UNC5D: variants seen among roughly 807,000 people sequenced by gnomAD.
UNC5D encodes netrin receptor UNC5D.
UNC5D carries 39 observed loss-of-function variants against 105.4 expected under a neutral mutation model. The ratio of observed to expected loss-of-function variants is 0.37; its 90% CI spans 0.29 to 0.48. UNC5D has a LOEUF of 0.48. Among genes scored for constraint, UNC5D ranks in the 20% least tolerant of loss-of-function variants. UNC5D has a pLI of 0.98. For synonymous variants in UNC5D, 452 were observed against 450.4 expected, an observed-to-expected ratio of 1.00 and a Z score of -0.04; for missense variants, 991 against 1,202.4, an observed-to-expected ratio of 0.82 and a Z score of 2.60.
intron 4 of UNC5D, among the ~76,000 whole-genome samples, chr8:35,616,339 T>A (rs1467042161): frequency 6.6e-6 from 1 of 152,208 alleles, no homozygotes; most frequent in Non-Finnish European, 1.5e-5. Flanking sequence ...CTGTCTTTAG[T>A]TCACCATCTG....
intron 4 of UNC5D, among the ~76,000 whole-genome samples, chr8:35,603,399 T>C (rs982258533): frequency 3.3e-5 from 5 of 152,238 alleles, no homozygotes; most frequent in African/African-American, 7.2e-5. Flanking sequence ...TGCACTGTTA[T>C]CTGAGAGACA....
chr8:35,368,281 A>G (rs897523345), intron 1 of UNC5D, among the ~76,000 whole-genome samples: 6 of 152,196 alleles, frequency 3.9e-5, no homozygotes, highest in Admixed American at 3.3e-4. Context: ...ATCCAGGTTC[A>G]CCAATTACTG....
intron 1 of UNC5D, among the ~76,000 whole-genome samples, chr8:35,457,641 T>TG (rs1266330488): frequency 1.3e-5 from 2 of 152,126 alleles, no homozygotes; most frequent in Non-Finnish European, 2.9e-5. Flanking sequence ...TTGGGTGAGT[T>TG]GGGGAAGTAT....
intron 1 of UNC5D, among the ~76,000 whole-genome samples, chr8:35,303,575 G>A (rs924660735): frequency 6.6e-6 from 1 of 152,116 alleles, no homozygotes; most frequent in African/African-American, 2.4e-5. Flanking sequence ...CTAACTTCTG[G>A]TATAAAAATT....
At chr8:35,436,902 G>A (rs2128980043) in intron 1 of UNC5D, among the ~76,000 whole-genome samples, 1 of 152,126 alleles carries the variant, frequency 6.6e-6, no homozygotes, top group Admixed American at 6.6e-5. Context: ...TCTATATTTG[G>A]TGGGGGAAGT....
chr8:35,543,411 G>A (rs896638765), intron 1 of UNC5D, among the ~76,000 whole-genome samples: 2 of 152,104 alleles, frequency 1.3e-5, no homozygotes, highest in African/African-American at 4.8e-5. Flanking sequence ...GATGACTGTG[G>A]GCCCCGGTGT....
intron 4 of UNC5D, among the ~76,000 whole-genome samples, chr8:35,601,432 C>A (rs922823799): frequency 6.6e-6 from 1 of 152,178 alleles, no homozygotes; most frequent in African/African-American, 2.4e-5. Flanking sequence ...TACCCATGAG[C>A]ATGGAATGTT....
At chr8:35,764,477 A>G (rs1801678399) in intron 14 of UNC5D, among the ~76,000 whole-genome samples, 1 of 152,142 alleles carries the variant, frequency 6.6e-6, no homozygotes, top group African/African-American at 2.4e-5. Flanking sequence ...AGAATTAGGA[A>G]AAGAATCACA....
At chr8:35,240,975 T>C (rs1221251624) in intron 1 of UNC5D, among the ~76,000 whole-genome samples, 1 of 152,192 alleles carries the variant, frequency 6.6e-6, no homozygotes, top group Non-Finnish European at 1.5e-5. Flanking sequence ...GCAGAAAATA[T>C]GACTCTGATT....
At chr8:35,724,414 G>A (rs1321930520) in intron 9 of UNC5D, 1 of 1,077,886 alleles carries the variant, frequency 9.3e-7, no homozygotes, top group Non-Finnish European at 1.3e-6. Context: ...CCCCGGCAAG[G>A]TGAACACTGA....
chr8:35,358,241 T>A (rs370546823), intron 1 of UNC5D, among the ~76,000 whole-genome samples: 1 of 152,108 alleles, frequency 6.6e-6, no homozygotes, highest in East Asian at 1.9e-4. Context: ...AGACATGGAA[T>A]CAACCCAAAT....
intron 1 of UNC5D, among the ~76,000 whole-genome samples, chr8:35,338,764 G>GCCTTCTT (rs1407533095): frequency 2.0e-5 from 3 of 152,036 alleles, no homozygotes; most frequent in African/African-American, 7.3e-5. Context: ...TCTGCCTTCT[G>GCCTTCTT]CCTCAGTCTA....
At chr8:35,525,485 T>C (rs551013490) in intron 1 of UNC5D, 3 of 1,612,296 alleles carry the variant, frequency 1.9e-6, no homozygotes, top group African/African-American at 2.7e-5. Flanking sequence ...CCTCCTTCTC[T>C]GTCCGTGCTT....
intron 1 of UNC5D, among the ~76,000 whole-genome samples, chr8:35,249,805 G>T (rs1803568917): frequency 6.6e-6 from 1 of 151,950 alleles, no homozygotes; most frequent in African/African-American, 2.4e-5. Context: ...GATTCTTGGA[G>T]ATTAGGTGTC....
At chr8:35,653,760 C>G (rs1823565707) in intron 4 of UNC5D, among the ~76,000 whole-genome samples, 1 of 152,176 alleles carries the variant, frequency 6.6e-6, no homozygotes, top group African/African-American at 2.4e-5. Flanking sequence ...AGTTCTATTT[C>G]AGTCTTTCCC....
At chr8:35,514,934 C>T (rs1019601133) in intron 1 of UNC5D, among the ~76,000 whole-genome samples, 11 of 152,140 alleles carry the variant, frequency 7.2e-5, no homozygotes, top group Non-Finnish European at 1.6e-4. Flanking sequence ...ATTATGTTGC[C>T]GGCTCTGAAA....
In UNC5D at chr8:35,793,016, T is replaced by C. The variant is rs1803114275; in HGVS notation, c.*2453T>C. 1 of 454,700 alleles carries C rather than the reference T, an allele frequency of 2.2e-6. No homozygotes were observed. The highest frequency in any genetic ancestry group is 4.4e-6 in the Non-Finnish European group (1 of 226,552). 28.2% of individuals were successfully genotyped at this position (454,700 alleles called of 1,614,324 possible). A position where few individuals can be genotyped will look rare whatever the true frequency, so the allele number is the denominator to read the frequency against. On this transcript the variant is annotated 3_prime_UTR_variant, in exon 17 of 17. Coordinates refer to ENST00000404895, the MANE Select transcript of UNC5D (RefSeq NM_080872.4). ...TTTTATAAACAACTTGAACATCATA[T>C]CATATAGGATAACAAAGGAGGAAGT...
chr8:35,463,772 C>G (rs1809081430), intron 1 of UNC5D, among the ~76,000 whole-genome samples: 1 of 147,880 alleles, frequency 6.8e-6, no homozygotes, highest in Admixed American at 6.8e-5. Flanking sequence ...GCCTGGGCAA[C>G]AGAGCAATAA....
chr8:35,386,976 A>G (rs186184182), intron 1 of UNC5D, among the ~76,000 whole-genome samples: 1 of 151,610 alleles, frequency 6.6e-6, no homozygotes, highest in African/African-American at 2.4e-5. Flanking sequence ...ATGGAATGTG[A>G]TTTTTGCAGT....
Sources: allele counts gnomAD v4.1 joint callset (sites outside exome capture counted in the v4.1 genomes callset), GRCh38; gene constraint gnomAD v4.1.1; transcripts MANE v1.5; gene names NCBI Gene and HGNC (gene_info 2026-07-23, HGNC 2026-07-21).